The following PNLIPRP3 variants were observed in gnomAD, a reference collection of about 807,000 sequenced individuals.
The protein encoded by PNLIPRP3 is pancreatic lipase related protein 3.
PNLIPRP3 carries 58 observed loss-of-function variants against 52.8 expected under a neutral mutation model. The observed-to-expected ratio is 1.10, with a 90% CI of 0.89 to 1.37. The LOEUF is 1.37. Ranked by LOEUF, PNLIPRP3 falls within the 40% of genes most tolerant of loss-of-function variation. PNLIPRP3 has a pLI of 0.00. For missense variants in PNLIPRP3, 593 were observed against 561.6 expected (o/e 1.06, Z -0.57); for synonymous variants, 192 against 185.0 (o/e 1.04, Z -0.31).
intron 4 of PNLIPRP3, among the ~76,000 whole-genome samples, chr10:116,446,295 G>A (rs1046345813): frequency 6.8e-6 from 1 of 146,920 alleles, no homozygotes; most frequent in Non-Finnish European, 1.5e-5. Context: ...GCAGTAAGCC[G>A]AGATGGCGCC....
chr10:116,444,532 T>C lies in PNLIPRP3; in HGVS notation c.456+19T>C. ...TCTCATGGTAAGAAGAGTTGATTTT[T>C]TTTTAATTATATTGAATTGGTTTTG... On this transcript the variant is annotated intron_variant, in intron 4 of 11. Transcript: ENST00000369230. The C allele has an allele frequency of 1.2e-6, 2 of 1,600,764 alleles. No homozygotes were observed. The highest frequency in any genetic ancestry group is 1.7e-6 in the Non-Finnish European group (2 of 1,173,978).
At chr10:116,430,882 G>A (rs1845700902) in intron 1 of PNLIPRP3, among the ~76,000 whole-genome samples, 1 of 152,048 alleles carries the variant, frequency 6.6e-6, no homozygotes, top group Admixed American at 6.6e-5. Flanking sequence ...CTCTCCAGCT[G>A]AACTTCTCCC....
At chr10:116,473,133 G>A (rs949199498) in intron 10 of PNLIPRP3, among the ~76,000 whole-genome samples, 7 of 152,182 alleles carry the variant, frequency 4.6e-5, no homozygotes, top group African/African-American at 1.4e-4. Flanking sequence ...GATAACGGCC[G>A]AAGAAGCTGT....
Position 116,436,716 on chromosome 10 carries a change from G to T in PNLIPRP3, c.55G>T (p.Glu19Ter). The change falls in exon 2 of 12, where the codon GAA (glutamate) becomes TAA (stop). Residue 19 changes from glutamate (E) to a stop codon, truncating the protein, a stop_gained. Coordinates refer to ENST00000369230, the MANE Select transcript of PNLIPRP3 (RefSeq NM_001011709.3). LOFTEE classifies it high-confidence loss of function. ...FLFFGTSRGK[E>*]VCYERLGCFK... ...ACTCCACCTTTCTGCTGCAGGAAAA[G>T]AAGTTTGCTATGAAAGGTTAGGGTG... is the stretch of plus-strand genomic sequence containing the variant. The T allele has an allele frequency of 1.9e-6, 3 of 1,607,508 alleles. No individual in the cohort carries two copies. Among genetic ancestry groups the T allele is most frequent in the Non-Finnish European group, 1.7e-6 (2 of 1,176,102 alleles).
intron 10 of PNLIPRP3, among the ~76,000 whole-genome samples, chr10:116,472,568 T>G (rs1372679686): frequency 1.3e-5 from 2 of 152,220 alleles, no homozygotes; most frequent in Admixed American, 1.3e-4. Flanking sequence ...CCTCAAACAC[T>G]GGGCACAGGC....
intron 1 of PNLIPRP3, among the ~76,000 whole-genome samples, chr10:116,429,521 T>C (rs1845679924): frequency 6.6e-6 from 1 of 152,210 alleles, no homozygotes. Context: ...GGCGCTAGCT[T>C]GTGGAATTGG....
chr10:116,458,044 AC>A (rs1157960813), intron 5 of PNLIPRP3, among the ~76,000 whole-genome samples: 1 of 152,208 alleles, frequency 6.6e-6, no homozygotes, highest in Non-Finnish European at 1.5e-5. Flanking sequence ...CCACTTAAAA[AC>A]AAAATTAATA....
chr10:116,464,806 A>G (rs1290772626), intron 7 of PNLIPRP3, among the ~76,000 whole-genome samples: 2 of 151,968 alleles, frequency 1.3e-5, no homozygotes, highest in Non-Finnish European at 2.9e-5. Flanking sequence ...ATTTGTTCCC[A>G]CCCTCTGCAC....
intron 4 of PNLIPRP3, among the ~76,000 whole-genome samples, chr10:116,453,849 G>A (rs1846073827): frequency 1.3e-5 from 2 of 152,050 alleles, no homozygotes; most frequent in Admixed American, 6.6e-5. Context: ...TAGACGTGCC[G>A]TGATGGTTTG....
intron 1 of PNLIPRP3, among the ~76,000 whole-genome samples, chr10:116,428,337 A>T (rs1845666091): frequency 6.6e-6 from 1 of 152,164 alleles, no homozygotes; most frequent in African/African-American, 2.4e-5. Context: ...CAACAATATA[A>T]AAGAGTTGCC....
chr10:116,443,771 G>A (rs566769610), intron 3 of PNLIPRP3, among the ~76,000 whole-genome samples: 3 of 57,332 alleles, frequency 5.2e-5, no homozygotes, highest in African/African-American at 1.4e-4. Flanking sequence ...GTGTATGTGT[G>A]TGTGTGTGTG....
intron 5 of PNLIPRP3, among the ~76,000 whole-genome samples, 187 bp from the exon 6 acceptor site, chr10:116,460,779 A>G (rs979992989): frequency 6.6e-6 from 1 of 151,878 alleles, no homozygotes; most frequent in Non-Finnish European, 1.5e-5. Flanking sequence ...AGCATTACTT[A>G]TCTGTAGATA....
At chr10:116,463,293 C>G (rs573016509) in intron 7 of PNLIPRP3, among the ~76,000 whole-genome samples, 22 of 152,262 alleles carry the variant, frequency 1.4e-4, no homozygotes, top group African/African-American at 5.3e-4. Flanking sequence ...GTGGTGTTGG[C>G]TGGAGCAACT....
At chr10:116,453,850 T>C (rs1000366522) in intron 4 of PNLIPRP3, among the ~76,000 whole-genome samples, 3 of 152,156 alleles carry the variant, frequency 2.0e-5, no homozygotes, top group Admixed American at 1.3e-4. Context: ...AGACGTGCCG[T>C]GATGGTTTGC....
chr10:116,432,293 G>A (rs1282031926), intron 1 of PNLIPRP3, among the ~76,000 whole-genome samples: 1 of 152,178 alleles, frequency 6.6e-6, no homozygotes, highest in Non-Finnish European at 1.5e-5. Flanking sequence ...CCTTTAGAGA[G>A]TGGAAATTAG....
chr10:116,468,123 T>C (rs1589990173), intron 8 of PNLIPRP3, among the ~76,000 whole-genome samples: 1 of 60,894 alleles, frequency 1.6e-5, no homozygotes, highest in Admixed American at 2.9e-4. Flanking sequence ...AGACTCTGTC[T>C]CGCAAAAAAA....
At chr10:116,430,769 A>C (rs1011276557) in intron 1 of PNLIPRP3, among the ~76,000 whole-genome samples, 8 of 152,212 alleles carry the variant, frequency 5.3e-5, no homozygotes, top group Non-Finnish European at 1.2e-4. Context: ...GCTTACATTC[A>C]TTTGTATTAT....
chr10:116,476,219 G>A (rs1053043328), intron 10 of PNLIPRP3, among the ~76,000 whole-genome samples: 2 of 152,128 alleles, frequency 1.3e-5, no homozygotes, highest in Admixed American at 6.5e-5. Flanking sequence ...GGGCACGGGA[G>A]CACTCTGGTT....
intron 4 of PNLIPRP3, among the ~76,000 whole-genome samples, chr10:116,449,558 A>G (rs1118786): frequency 0.94 from 142,414 of 152,216 alleles, 67,212 homozygotes; most frequent in Non-Finnish European, 1. Flanking sequence ...AAATATATAT[A>G]CACCCAACAC....
Sources: gnomAD v4.1 joint callset for allele counts (sites outside exome capture counted in the v4.1 genomes callset) on GRCh38, gnomAD v4.1.1 for gene constraint, MANE v1.5 for transcripts, NCBI Gene and HGNC (gene_info 2026-07-23, HGNC 2026-07-21) for gene names.